The following AMOT variants were observed in gnomAD, a reference collection of about 807,000 sequenced individuals.
AMOT encodes angiomotin.
A neutral mutation model predicts 67.0 loss-of-function variants in AMOT; 11 were observed. The ratio of observed to expected loss-of-function variants is 0.16; its 90% CI spans 0.10 to 0.27. The LOEUF (loss-of-function observed/expected upper bound fraction) is 0.27, where lower values mean the gene tolerates loss of function less well. Among genes scored for constraint, AMOT ranks in the 10% least tolerant of loss-of-function variants. The probability of loss-of-function intolerance (pLI) is 1.00; values close to 1 mark genes in which losing one functional copy is unlikely to be tolerated. For synonymous variants in AMOT, 326 were observed against 321.4 expected, an observed-to-expected ratio of 1.01 and a Z score of -0.15; for missense variants, 753 against 852.0, an observed-to-expected ratio of 0.88 and a Z score of 1.45.
intron 1 of AMOT, among the ~76,000 whole-genome samples, chrX:112,833,913 C>G (rs1233939547): frequency 8.9e-6 from 1 of 112,495 alleles, no homozygotes; most frequent in Non-Finnish European, 1.9e-5. Flanking sequence ...AATGCAAATA[C>G]ATGCCCCTTG....
At position 112,780,947 on chromosome X, in the gene AMOT, G is replaced by A. The variant is rs770331835; in HGVS notation, c.2412C>T (p.Thr804=). 1.7e-6 allele frequency: 2 copies of A among 1,210,206 alleles called. No homozygotes were observed. The highest frequency in any genetic ancestry group is 1.7e-5 in the African/African-American group (1 of 57,208). ...CTTCCATGATGGGGGAGCCAGTCAGGGTGGATGAGTGGGAGAGCAAGCCTG... is the reference window on the plus strand; with the variant it reads ...CTTCCATGATGGGGGAGCCAGTCAGAGTGGATGAGTGGGAGAGCAAGCCTG... ...AGSGLLSHSS[T]LTGSPIMEEK... is the part of the protein sequence containing the mutation. The change falls in exon 12 of 14, where the codon ACC becomes ACT. Residue 804 remains threonine, a synonymous_variant. Transcript: ENST00000371959.
At chrX:112,790,009 A>G (rs192048626) in intron 10 of AMOT, among the ~76,000 whole-genome samples, 3 of 104,673 alleles carry the variant, frequency 2.9e-5, no homozygotes, top group East Asian at 6.0e-4. Context: ...AGCAAAAAGT[A>G]AAAATCCTCC....
chrX:112,780,908 G>A lies in AMOT; in HGVS notation c.2451C>T (p.Asp817=), dbSNP rs1303640783. The A allele has an allele frequency of 1.7e-6, 2 of 1,209,649 alleles. No individual in the cohort carries two copies. The highest frequency in any genetic ancestry group is 4.4e-5 in the Admixed American group (2 of 45,811). ...GSPIMEEKRD[D]KSWKGSLGIL... is the part of the protein sequence containing the mutation. The stretch of plus-strand genomic sequence containing the variant: ...TACCTAGGCTCCCCTTCCAGCTCTT[G>A]TCGTCTCGCTTTTCTTCCATGATGG... Residue 817 remains aspartate (D), a synonymous_variant, in exon 12 of 14, where the codon GAC becomes GAT. Transcript: ENST00000371959.
intron 8 of AMOT, 102 bp from the exon 9 acceptor site, chrX:112,792,083 C>T: frequency 1.0e-6 from 1 of 1,002,456 alleles, no homozygotes; most frequent in Non-Finnish European, 1.4e-6. Context: ...TAGATCTCTT[C>T]TTGTTTTAGA....
At position 112,777,803 on chromosome X, in the gene AMOT, G is replaced by C. The variant is rs1221080475; in HGVS notation, c.*764C>G. The C allele has an allele frequency of 3.6e-5, 4 of 112,124 alleles. No homozygotes were observed. The highest frequency in any genetic ancestry group is 1.3e-4 in the African/African-American group (4 of 30,696). 9.2% of individuals were successfully genotyped at this position (112,124 alleles called of 1,213,427 possible). ...GGTCTAATTCCCTAAGAGAGAGGAAGTTGCGCATCACTCAGTTAATGTACT... is the reference window on the plus strand; with the variant it reads ...GGTCTAATTCCCTAAGAGAGAGGAACTTGCGCATCACTCAGTTAATGTACT... On this transcript the variant is annotated 3_prime_UTR_variant, in exon 14 of 14. Transcript: ENST00000371959.
intron 8 of AMOT, among the ~76,000 whole-genome samples, chrX:112,793,506 T>TA (rs1933688274): frequency 9.0e-6 from 1 of 111,714 alleles, no homozygotes; most frequent in Non-Finnish European, 1.9e-5. Context: ...CACTAGCATG[T>TA]AGTGATAGAA....
At chrX:112,836,543 A>G (rs1368238822) in intron 1 of AMOT, among the ~76,000 whole-genome samples, 1 of 111,199 alleles carries the variant, frequency 9.0e-6, no homozygotes, top group African/African-American at 3.3e-5. Flanking sequence ...CTGTGGCTCC[A>G]ATTATCTAAA....
rs1459738498 is a variant in AMOT, at chrX:112,822,869, C to A, written c.258G>T (p.Gln86His). The change falls in exon 4 of 14, where the codon CAG becomes CAT. Residue 86 changes from glutamine to histidine, a missense_variant. This residue lies in a region of AMOT where 118 missense variants were observed against 125.9 expected (regional missense o/e 0.94). Coordinates refer to ENST00000371959, the MANE Select transcript of AMOT (RefSeq NM_001113490.2). ...ARQEPQGQEI[Q>H]SENLIMEKQL... Reference sequence around the variant, plus strand: ...GCTTCTCCATGATGAGGTTTTCTGACTGGATTTCCTGCCCCTGGGGTTCTT... The same window carrying A: ...GCTTCTCCATGATGAGGTTTTCTGAATGGATTTCCTGCCCCTGGGGTTCTT... 8.6e-7 allele frequency: 1 copy of A among 1,167,848 alleles called. No individual in the cohort carries two copies. Among genetic ancestry groups the A allele is most frequent in the Admixed American group, 2.6e-5 (1 of 38,699 alleles).
chrX:112,781,256 A>G (rs1287032599), intron 11 of AMOT, 138 bp from the exon 12 acceptor site: 2 of 531,824 alleles, frequency 3.8e-6, no homozygotes, highest in East Asian at 7.0e-5. Context: ...CCTGGCCAAC[A>G]TGGTGAAACC....
chrX:112,832,887 C>T (rs1260782201), intron 1 of AMOT, among the ~76,000 whole-genome samples: 1 of 111,296 alleles, frequency 9.0e-6, no homozygotes, highest in Non-Finnish European at 1.9e-5. Context: ...GCCAGCATTT[C>T]ATATCTTCAT....
intron 6 of AMOT, among the ~76,000 whole-genome samples, chrX:112,810,476 C>T (rs1162361831): frequency 3.6e-5 from 4 of 111,500 alleles, no homozygotes; most frequent in South Asian, 3.8e-4. Flanking sequence ...TGGGAGGCCA[C>T]GGTGGGTGGA....
chrX:112,810,079 G>A (rs769327198), intron 6 of AMOT, 93 bp from the exon 7 acceptor site: 2 of 699,882 alleles, frequency 2.9e-6, no homozygotes, highest in African/African-American at 4.3e-5. Context: ...GGTAAAACAA[G>A]CCTGTTTCTT....
At chrX:112,832,640 C>T (rs1312958362) in intron 1 of AMOT, among the ~76,000 whole-genome samples, 1 of 112,184 alleles carries the variant, frequency 8.9e-6, no homozygotes, top group Non-Finnish European at 1.9e-5. Flanking sequence ...AACACTCTAA[C>T]AGTATCTTGA....
rs1933539166 is a variant in AMOT at position 112,790,674 on chromosome X, T to A, written c.2035A>T (p.Thr679Ser). The change falls in exon 10 of 14, where the codon ACA (threonine) becomes TCA (serine). Residue 679 changes from threonine to serine, a missense_variant. This residue lies in a region of AMOT where 66 missense variants were observed against 112.9 expected (regional missense o/e 0.58). Coordinates refer to ENST00000371959, the MANE Select transcript of AMOT (RefSeq NM_001113490.2). ...TCCAAATATTTCTGCTCCCACTTTG[T>A]CATATCAGCTTCCAGAGCCAGAATC... Reference protein sequence around the residue: ...ERILALEADMTKWEQKYLEEN... With the variant: ...ERILALEADMSKWEQKYLEEN... The A allele has an allele frequency of 8.3e-7, 1 of 1,211,241 alleles. No homozygotes were observed. The highest frequency in any genetic ancestry group is 2.2e-5 in the Admixed American group (1 of 45,989).
chrX:112,809,372 G>A (rs1732233489), intron 7 of AMOT, among the ~76,000 whole-genome samples: 1 of 111,103 alleles, frequency 9.0e-6, no homozygotes, highest in Admixed American at 9.6e-5. Flanking sequence ...ACACAGCTCT[G>A]CCCTCCCCCA....
At chrX:112,836,501 G>A (rs924498619) in intron 1 of AMOT, among the ~76,000 whole-genome samples, 1 of 111,072 alleles carries the variant, frequency 9.0e-6, no homozygotes, top group Non-Finnish European at 1.9e-5. Flanking sequence ...AGTCTTGGGT[G>A]GGCTCTTATT....
intron 8 of AMOT, among the ~76,000 whole-genome samples, chrX:112,792,480 A>C (rs1933646572): frequency 8.9e-6 from 1 of 112,561 alleles, no homozygotes; most frequent in South Asian, 3.7e-4. Context: ...CAAGTGGGAG[A>C]AAAAGGGTGA....
chrX:112,795,322 C>G (rs1386992478), intron 8 of AMOT, among the ~76,000 whole-genome samples: 1 of 109,581 alleles, frequency 9.1e-6, no homozygotes, highest in Non-Finnish European at 1.9e-5. Context: ...AAATTTCTAT[C>G]TGACAGCACA....
intron 6 of AMOT, among the ~76,000 whole-genome samples, chrX:112,810,509 G>A (rs1218189470): frequency 9.0e-6 from 1 of 111,215 alleles, no homozygotes; most frequent in Non-Finnish European, 1.9e-5. Flanking sequence ...AGGAGTTTAA[G>A]ACCAGCATGG....
Sources: allele counts gnomAD v4.1 joint callset (sites outside exome capture counted in the v4.1 genomes callset), GRCh38; gene constraint gnomAD v4.1.1; regional missense constraint gnomAD v4.1.1; transcripts MANE v1.5; gene names NCBI Gene and HGNC (gene_info 2026-07-23, HGNC 2026-07-21).